Variants in PPP4R3A observed in about 807,000 individuals in gnomAD.
PPP4R3A encodes protein phosphatase 4 regulatory subunit 3A, also known as serine/threonine-protein phosphatase 4 regulatory subunit 3A.
PPP4R3A carries 15 observed loss-of-function variants against 91.7 expected under a neutral mutation model. The ratio of observed to expected loss-of-function variants is 0.16; its 90% CI spans 0.11 to 0.25. The LOEUF is 0.25. PPP4R3A is among the 10% of genes least tolerant of loss of function. The probability of loss-of-function intolerance (pLI) is 1.00; values close to 1 mark genes in which losing one functional copy is unlikely to be tolerated. For synonymous variants in PPP4R3A, 377 were observed against 348.7 expected, an observed-to-expected ratio of 1.08 and a Z score of -0.91; for missense variants, 623 against 998.4, an observed-to-expected ratio of 0.62 and a Z score of 5.07.
At chr14:91,501,894 T>TG (rs1394778215) in intron 1 of PPP4R3A, among the ~76,000 whole-genome samples, 6 of 137,202 alleles carry the variant, frequency 4.4e-5, no homozygotes, top group Non-Finnish European at 8.1e-5. Context: ...TTTTTTTTTT[T>TG]GGTATTTTTA....
chr14:91,458,904 A>G, intron 14 of PPP4R3A, 35 bp from the exon 15 acceptor site: 1 of 1,546,846 alleles, frequency 6.5e-7, no homozygotes, highest in Non-Finnish European at 8.7e-7. Flanking sequence ...AAGAACAGAA[A>G]ATAAAACATA....
rs541831175 is a variant in PPP4R3A at position 91,501,968 on chromosome 14, C to T, written c.142+7538G>A. 2.2e-3 allele frequency among the ~76,000 whole-genome samples: 329 copies of T among 150,606 alleles called. 2 individuals are homozygous for T. The highest frequency in any genetic ancestry group is 7.7e-3 in the African/African-American group (314 of 40,838). The stretch of plus-strand genomic sequence containing the variant: ...CGATCTCTTGACCTCGTGATCTGCC[C>T]ATCTCGGCCTCCCAAAGTGCTGGGA... On this transcript the variant is annotated intron_variant, in intron 1 of 14. Transcript: ENST00000554943.
chr14:91,470,798 T>A (rs191639234), intron 10 of PPP4R3A, 39 bp downstream of exon 10: 1 of 1,587,510 alleles, frequency 6.3e-7, no homozygotes, highest in East Asian at 2.3e-5. Context: ...AATACCAACA[T>A]GTCAATATAC....
intron 1 of PPP4R3A, among the ~76,000 whole-genome samples, chr14:91,495,343 GTC>G (rs955964797): frequency 1.9e-5 from 1 of 53,150 alleles, no homozygotes; most frequent in African/African-American, 7.0e-5. Context: ...TTTTTAGACA[GTC>G]TCTCTGTCGC....
At position 91,509,571 on chromosome 14, in the gene PPP4R3A, T is replaced by A; in HGVS notation, c.77A>T (p.His26Leu). ...CCGCTCCACGTAGCCAGACGACACA[T>A]GCCCGGTGCCCCGGTCGTCCCACTG... ...DRQWDDRGTG[H>L]VSSGYVERLK... Residue 26 changes from histidine to leucine, a missense_variant, in exon 1 of 15, where the codon CAT (histidine) becomes CTT (leucine). Coordinates refer to ENST00000554943, the MANE Select transcript of PPP4R3A (RefSeq NM_001366432.2). 2 of 1,602,582 alleles carry A rather than the reference T, an allele frequency of 1.2e-6. No homozygotes were observed. Among genetic ancestry groups the A allele is most frequent in the Non-Finnish European group, 1.7e-6 (2 of 1,178,806 alleles).
In PPP4R3A at chr14:91,489,159, G is replaced by A. The variant is rs568049475; in HGVS notation, c.198+1588C>T. ...CCTGACCTCATGATCCGCCTGCCTC[G>A]GCCTCCCAAAGTGCTGGGATTACAG... On this transcript the variant is annotated intron_variant, in intron 2 of 14. Transcript: ENST00000554943. Among the ~76,000 whole-genome samples, 4 of 151,992 alleles carry A rather than the reference G, an allele frequency of 2.6e-5. No homozygotes were observed. The East Asian group carries it at 7.7e-4, about 29-fold the overall frequency.
intron 1 of PPP4R3A, among the ~76,000 whole-genome samples, chr14:91,497,110 TGAC>T (rs1890622192): frequency 2.6e-5 from 4 of 152,088 alleles, no homozygotes; most frequent in Non-Finnish European, 4.4e-5. Context: ...GTAGCAGAGA[TGAC>T]AGGCGAGAAA....
intron 2 of PPP4R3A, 87 bp from the exon 3 acceptor site, chr14:91,485,817 ATTT>A: frequency 1.1e-6 from 1 of 905,892 alleles, no homozygotes; most frequent in Non-Finnish European, 1.6e-6. Flanking sequence ...AACTGTGCTC[ATTT>A]TTACTTTTTG....
At position 91,493,250 on chromosome 14, in the gene PPP4R3A, A is replaced by C. The variant is rs78288534; in HGVS notation, c.143-2448T>G. ...CTAAAAATACAAAAATTAGCCGGGC[A>C]TGGTTGCTGTGAGCTGAGATTGCAT... On this transcript the variant is annotated intron_variant, in intron 1 of 14. Transcript: ENST00000554943. 2.1e-4 allele frequency among the ~76,000 whole-genome samples: 30 copies of C among 144,592 alleles called. No individual in the cohort carries two copies. In the East Asian group the frequency reaches 5.8e-3, roughly 28 times the overall value. The allele number at this position is 144,592 out of a possible 152,430, so 94.9% of individuals were successfully genotyped here.
rs886430093 is a variant in PPP4R3A at position 91,509,717 on chromosome 14, G to A, written c.-70C>T. 7 of 1,475,834 alleles carry A rather than the reference G, an allele frequency of 4.7e-6. No individual in the cohort carries two copies. Among genetic ancestry groups the A allele is most frequent in the Middle Eastern group, 4.7e-4 (2 of 4,214 alleles). The allele number at this position is 1,475,834 out of a possible 1,614,324, so 91.4% of individuals were successfully genotyped here. A position where few individuals can be genotyped will look rare whatever the true frequency, so the allele number is the denominator to read the frequency against. Reference sequence around the variant, plus strand: ...CAGGAAAGGGGCCCTGGAGAGGCGAGGGGCGAGGCGTGAGGGCGCCCGCGA... The same window carrying A: ...CAGGAAAGGGGCCCTGGAGAGGCGAAGGGCGAGGCGTGAGGGCGCCCGCGA... On this transcript the variant is annotated 5_prime_UTR_variant, in exon 1 of 15. Transcript: ENST00000554943.
chr14:91,505,828 A>G (rs915211868), intron 1 of PPP4R3A, among the ~76,000 whole-genome samples: 3 of 152,268 alleles, frequency 2.0e-5, no homozygotes, highest in Non-Finnish European at 4.4e-5. Context: ...CATGACAACA[A>G]AAAGAAAATA....
At chr14:91,485,363 T>C (rs1889820342) in intron 3 of PPP4R3A, among the ~76,000 whole-genome samples, 1 of 152,310 alleles carries the variant, frequency 6.6e-6, no homozygotes, top group African/African-American at 2.4e-5. Context: ...ATGTTTGGTT[T>C]TGGAGTACTA....
At chr14:91,472,824 A>ACCACCAACCAACCAAC (rs142250966) in intron 9 of PPP4R3A, among the ~76,000 whole-genome samples, 1 of 150,402 alleles carries the variant, frequency 6.6e-6, no homozygotes, top group Non-Finnish European at 1.5e-5. Flanking sequence ...TTTGATAAAA[A>ACCACCAACCAACCAAC]CAACCAACCA....
At chr14:91,494,426 G>T (rs1890416259) in intron 1 of PPP4R3A, among the ~76,000 whole-genome samples, 1 of 152,142 alleles carries the variant, frequency 6.6e-6, no homozygotes. Flanking sequence ...CTTGTATCCG[G>T]AATATATAAA....
At chr14:91,501,871 A>AT (rs755484959) in intron 1 of PPP4R3A, among the ~76,000 whole-genome samples, 38,603 of 100,098 alleles carry the variant, frequency 0.39, 7,167 homozygotes, top group East Asian at 0.43. Flanking sequence ...AGCCCGGCTA[A>AT]TTTTTTTTTT....
chr14:91,495,968 A>T (rs1890542231), intron 1 of PPP4R3A, among the ~76,000 whole-genome samples: 1 of 152,168 alleles, frequency 6.6e-6, no homozygotes, highest in Non-Finnish European at 1.5e-5. Flanking sequence ...TAAACTGTAA[A>T]GTATAAATAT....
At chr14:91,473,409 T>C (rs772084774) in intron 7 of PPP4R3A, 39 bp from the exon 8 acceptor site, 5 of 1,580,166 alleles carry the variant, frequency 3.2e-6, no homozygotes, top group African/African-American at 1.4e-5. Context: ...TCACTTATTA[T>C]GAGAGAACGG....
chr14:91,492,406 A>C (rs1184000635), intron 1 of PPP4R3A, among the ~76,000 whole-genome samples: 1 of 152,224 alleles, frequency 6.6e-6, no homozygotes, highest in Admixed American at 6.5e-5. Context: ...CTTTTACATC[A>C]AAGTTCATTT....
rs1052975215 is a variant in PPP4R3A, at chr14:91,457,829, TTTTAATATAAA to T, written c.*919_*929del. 1 of 152,594 alleles carries T rather than the reference TTTTAATATAAA, an allele frequency of 6.6e-6. No individual in the cohort carries two copies. Among genetic ancestry groups the T allele is most frequent in the Non-Finnish European group, 1.5e-5 (1 of 68,028 alleles). 9.5% of individuals were successfully genotyped at this position (152,594 alleles called of 1,614,324 possible). A position where few individuals can be genotyped will look rare whatever the true frequency, so the allele number is the denominator to read the frequency against. On this transcript the variant is annotated 3_prime_UTR_variant, in exon 15 of 15. Coordinates refer to ENST00000554943, the MANE Select transcript of PPP4R3A (RefSeq NM_001366432.2). ...TTCTCAAGACAGTTGCTGATGTAAA[TTTTAATATAAA>T]ATATTTAGTCACAAAATAGTATTGC... is the stretch of plus-strand genomic sequence containing the variant.
Sources: gnomAD v4.1 joint callset for allele counts (sites outside exome capture counted in the v4.1 genomes callset) on GRCh38, gnomAD v4.1.1 for gene constraint, MANE v1.5 for transcripts, NCBI Gene and HGNC (gene_info 2026-07-23, HGNC 2026-07-21) for gene names.